Variants in KRT85 observed in about 807,000 individuals in gnomAD.
KRT85 encodes keratin 85.
A neutral mutation model predicts 53.7 loss-of-function variants in KRT85; 39 were observed. The observed-to-expected ratio is 0.73, with a 90% CI of 0.56 to 0.95. KRT85 has a LOEUF of 0.95. KRT85 is among the 40% of genes least tolerant of loss of function. KRT85 has a pLI of 0.00. For synonymous variants in KRT85, 291 were observed against 277.5 expected, an observed-to-expected ratio of 1.05 and a Z score of -0.48; for missense variants, 668 against 686.0, an observed-to-expected ratio of 0.97 and a Z score of 0.29.
Position 52,363,297 on chromosome 12 carries a change from G to T in KRT85, c.900C>A (p.Asp300Glu). The stretch of plus-strand genomic sequence containing the variant: ...CGGCCCGGCTGCGGCTGGCAACATC[G>T]TCATACTGAGCCTTGATCTCAGCGA... Reference protein sequence around the residue: ...CIIAEIKAQYDDVASRSRAEA... With the variant: ...CIIAEIKAQYEDVASRSRAEA... Residue 300 changes from aspartate to glutamate, a missense_variant, in exon 5 of 9, where the codon GAC (aspartate) becomes GAA (glutamate). By Grantham distance (45) the Asp-to-Glu change is conservative. Coordinates refer to ENST00000257901, the MANE Select transcript of KRT85 (RefSeq NM_002283.4). The T allele has an allele frequency of 6.2e-7, 1 of 1,614,092 alleles. No homozygotes were observed. The highest frequency in any genetic ancestry group is 1.1e-5 in the South Asian group (1 of 91,078).
chr12:52,367,164 C>T lies in KRT85; in HGVS notation c.242G>A (p.Gly81Asp), dbSNP rs1939285813. ...TCCGCACACGCCCCCGGAGCGGTAGCCGAAGCTGCGTCCGCAGGAGCCGGC... is the reference window on the plus strand; with the variant it reads ...TCCGCACACGCCCCCGGAGCGGTAGTCGAAGCTGCGTCCGCAGGAGCCGGC... ...FRAGSCGRSF[G>D]YRSGGVCGPS... Residue 81 changes from glycine to aspartate, a missense_variant, in exon 1 of 9, where the codon GGC becomes GAC. Transcript: ENST00000257901. The T allele has an allele frequency of 5.0e-6, 8 of 1,613,584 alleles. No individual in the cohort carries two copies. In the East Asian group the frequency reaches 1.8e-4, roughly 36 times the overall value.
At chr12:52,364,904 G>A (rs1592142260) in intron 2 of KRT85, 58 bp downstream of exon 2, 1 of 1,611,476 alleles carries the variant, frequency 6.2e-7, no homozygotes, top group African/African-American at 1.3e-5. Flanking sequence ...GCTATGGGCA[G>A]AGCCTCCCAG....
chr12:52,365,135 C>T lies in KRT85; in HGVS notation c.456G>A (p.Glu152=). 1.2e-6 allele frequency: 2 copies of T among 1,614,252 alleles called. No homozygotes were observed. Among genetic ancestry groups the T allele is most frequent in the Non-Finnish European group, 1.7e-6 (2 of 1,180,046 alleles). The change falls in exon 2 of 9, where the codon GAG becomes GAA. Residue 152 remains glutamate (E), a synonymous_variant. Transcript: ENST00000257901. The part of the protein sequence containing the change: ...RFLEQQNKLL[E]TKWQFYQNQR... ...GGTTCTGGTAGAACTGCCACTTGGT[C>T]TCCAGCAGCTTGTTCTGCTGCTCCA...
rs1041253015 is a variant in KRT85, at chr12:52,360,807, G to A, written c.*46C>T. The stretch of plus-strand genomic sequence containing the variant: ...TTCACATGCCATTCAGTGCAGTGAT[G>A]CAGGCAGGCAGGTGCTTGGCAGGAA... On this transcript the variant is annotated 3_prime_UTR_variant, in exon 9 of 9. Coordinates refer to ENST00000257901, the MANE Select transcript of KRT85 (RefSeq NM_002283.4). The A allele has an allele frequency of 6.4e-7, 1 of 1,553,358 alleles. No homozygotes were observed. Among genetic ancestry groups the A allele is most frequent in the East Asian group, 2.2e-5 (1 of 44,594 alleles).
chr12:52,362,948 T>G lies in KRT85; in HGVS notation c.983A>C (p.His328Pro), dbSNP rs763386025. ...CTTGGTGCGGCGCAGGGTCTCCCCATGCCTGATCACCGTGGCCTTCATCTC... is the reference window on the plus strand; with the variant it reads ...CTTGGTGCGGCGCAGGGTCTCCCCAGGCCTGATCACCGTGGCCTTCATCTC... ...CEEMKATVIR[H>P]GETLRRTKEE... The change falls in exon 6 of 9, where the codon CAT (histidine) becomes CCT (proline). Residue 328 changes from histidine to proline, a missense_variant. Coordinates refer to ENST00000257901, the MANE Select transcript of KRT85 (RefSeq NM_002283.4). 16 of 1,614,144 alleles carry G rather than the reference T, an allele frequency of 9.9e-6. No homozygotes were observed. Among genetic ancestry groups the G allele is most frequent in the Non-Finnish European group, 3.4e-6 (4 of 1,180,028 alleles).
At chr12:52,363,573 C>A (rs1939227326) in intron 4 of KRT85, among the ~76,000 whole-genome samples, 163 bp from the exon 5 acceptor site, 1 of 152,154 alleles carries the variant, frequency 6.6e-6, no homozygotes, top group South Asian at 2.1e-4. Context: ...TTAAAAACAA[C>A]AAAGCTGAAA....
At chr12:52,366,553 G>T (rs372292984) in intron 1 of KRT85, among the ~76,000 whole-genome samples, 1 of 152,112 alleles carries the variant, frequency 6.6e-6, no homozygotes, top group African/African-American at 2.4e-5. Flanking sequence ...AGCACCTGCT[G>T]CCCAGTCTGG....
At chr12:52,361,112 C>A in intron 8 of KRT85, 66 bp from the exon 9 acceptor site, 1 of 1,400,534 alleles carries the variant, frequency 7.1e-7, no homozygotes, top group Middle Eastern at 1.9e-4. Context: ...TACAACAGGC[C>A]CCAGGGCACT....
intron 8 of KRT85, among the ~76,000 whole-genome samples, 166 bp downstream of exon 8, chr12:52,361,301 A>G (rs921150404): frequency 1.3e-5 from 2 of 152,242 alleles, no homozygotes; most frequent in Non-Finnish European, 2.9e-5. Flanking sequence ...ACTTGCGAAG[A>G]GCACTCAGCT....
Position 52,364,381 on chromosome 12 carries a change from G to C in KRT85, c.630-15C>G, listed in dbSNP as rs1939241765. 6.2e-7 allele frequency: 1 copy of C among 1,614,080 alleles called. No homozygotes were observed. The highest frequency in any genetic ancestry group is 8.5e-7 in the Non-Finnish European group (1 of 1,180,050). ...CCTCTTCATACCTGGGTGTGGGAGA[G>C]AGAAGGTCTGGAGCTGAGAAACTGG... is the stretch of plus-strand genomic sequence containing the variant. On this transcript the variant is annotated splice_polypyrimidine_tract_variant and intron_variant, in intron 2 of 8. Transcript: ENST00000257901.
At position 52,363,299 on chromosome 12, in the gene KRT85, C is replaced by T; in HGVS notation, c.898G>A (p.Asp300Asn). 6.2e-7 allele frequency: 1 copy of T among 1,614,236 alleles called. No homozygotes were observed. Among genetic ancestry groups the T allele is most frequent in the Non-Finnish European group, 8.5e-7 (1 of 1,180,042 alleles). The stretch of plus-strand genomic sequence containing the variant: ...GCCCGGCTGCGGCTGGCAACATCGT[C>T]ATACTGAGCCTTGATCTCAGCGATG... ...CIIAEIKAQY[D>N]DVASRSRAEA... Residue 300 changes from aspartate (D) to asparagine (N), a missense_variant, in exon 5 of 9, where the codon GAC (aspartate) becomes AAC (asparagine). By Grantham distance (23) the Asp-to-Asn change is conservative. Coordinates refer to ENST00000257901, the MANE Select transcript of KRT85 (RefSeq NM_002283.4).
chr12:52,366,596 G>A (rs1939273609), intron 1 of KRT85, among the ~76,000 whole-genome samples: 1 of 152,050 alleles, frequency 6.6e-6, no homozygotes. Flanking sequence ...GTCCTATGTC[G>A]TCTTGGCTCA....
intron 6 of KRT85, 151 bp from the exon 7 acceptor site, chr12:52,362,622 G>A (rs758195752): frequency 4.3e-6 from 5 of 1,170,690 alleles, no homozygotes; most frequent in Non-Finnish European, 6.2e-6. Flanking sequence ...TATGAGGGAG[G>A]AGATGGGTGG....
chr12:52,362,600 T>C, intron 6 of KRT85, 129 bp from the exon 7 acceptor site: 1 of 1,272,788 alleles, frequency 7.9e-7, no homozygotes, highest in Non-Finnish European at 1.1e-6. Flanking sequence ...AGGTAGTTAA[T>C]GGGGCTGTGA....
rs1939182402 is a variant in KRT85 at position 52,360,987 on chromosome 12, C to G, written c.1390G>C (p.Gly464Arg). 6.2e-7 allele frequency: 1 copy of G among 1,613,518 alleles called. No homozygotes were observed. Among genetic ancestry groups the G allele is most frequent in the Admixed American group, 1.7e-5 (1 of 59,994 alleles). ...GAGGGGCCAGAAGTGATCTGGCGCC[C>G]TGGGGTGGTGCTGTAGGAGAGGCCC... ...CGGLSYSTTPGRQITSGPSAI... is the reference protein window; with the variant it reads ...CGGLSYSTTPRRQITSGPSAI... Residue 464 changes from glycine (G) to arginine (R), a missense_variant, in exon 9 of 9, where the codon GGG becomes CGG. By Grantham distance (125) the Gly-to-Arg change is moderately radical. Coordinates refer to ENST00000257901, the MANE Select transcript of KRT85 (RefSeq NM_002283.4).
rs761197825 is a variant in KRT85, at chr12:52,362,436, C to A, written c.1113G>T (p.Glu371Asp). The change falls in exon 7 of 9, where the codon GAG (glutamate) becomes GAT (aspartate). Residue 371 changes from glutamate (E) to aspartate (D), a missense_variant. Physicochemically the swap from Glu to Asp is conservative, Grantham distance 45. This residue lies in a region of KRT85 where 488 missense variants were observed against 498.1 expected (regional missense o/e 0.98). Transcript: ENST00000257901. ...AKLEAAVAEA[E>D]QQGEAALSDA... ...CGCTGAGGGCCGCCTCACCCTGCTG[C>A]TCTGCCTCAGCCACAGCAGCCTCCA... 1 of 1,614,202 alleles carries A rather than the reference C, an allele frequency of 6.2e-7. No homozygotes were observed. Among genetic ancestry groups the A allele is most frequent in the Admixed American group, 1.7e-5 (1 of 60,026 alleles).
In KRT85 at chr12:52,363,389, G is replaced by A; in HGVS notation, c.808C>T (p.His270Tyr). 7 of 1,614,154 alleles carry A rather than the reference G, an allele frequency of 4.3e-6. 1 individual carries two copies. In the South Asian group the frequency reaches 5.5e-5, roughly 13 times the overall value. Reference protein sequence around the residue: ...YEEEIRVLQAHISDTSVIVKM... With the variant: ...YEEEIRVLQAYISDTSVIVKM... ...ACTATGACCGAGGTGTCTGAGATGT[G>A]GGCTTGGAGAACGCGGATCTCCTGT... The change falls in exon 5 of 9, where the codon CAC becomes TAC. Residue 270 changes from histidine to tyrosine, a missense_variant. This residue lies in a region of KRT85 where 488 missense variants were observed against 498.1 expected (regional missense o/e 0.98). Transcript: ENST00000257901.
chr12:52,362,258 C>T lies in KRT85; in HGVS notation c.1291G>A (p.Glu431Lys). Reference sequence around the variant, plus strand: ...AAGTCCTCTTAGCCCCACCTGTGTTCCTCGCCCTCCAGCAGGCGCCTGTAG... The same window carrying T: ...AAGTCCTCTTAGCCCCACCTGTGTTTCTCGCCCTCCAGCAGGCGCCTGTAG... ...ATYRRLLEGE[E>K]HRLCEGVGSV... Residue 431 changes from glutamate to lysine, a missense_variant, in exon 7 of 9, where the codon GAA (glutamate) becomes AAA (lysine). Glu to Lys is a moderately conservative substitution (Grantham distance 56). Coordinates refer to ENST00000257901, the MANE Select transcript of KRT85 (RefSeq NM_002283.4). 6.2e-7 allele frequency: 1 copy of T among 1,614,078 alleles called. No individual in the cohort carries two copies. The highest frequency in any genetic ancestry group is 8.5e-7 in the Non-Finnish European group (1 of 1,179,924).
Position 52,362,845 on chromosome 12 carries a change from A to G in KRT85, c.1077+9T>C, listed in dbSNP as rs1334118572. Reference sequence around the variant, plus strand: ...TGTGCTGCGTATTTGAATCCTCCACAGACCCCACCTGGCACTTGGCATTCT... The same window carrying G: ...TGTGCTGCGTATTTGAATCCTCCACGGACCCCACCTGGCACTTGGCATTCT... On this transcript the variant is annotated intron_variant, in intron 6 of 8. Transcript: ENST00000257901. 2.5e-6 allele frequency: 4 copies of G among 1,614,012 alleles called. No individual in the cohort carries two copies. The highest frequency in any genetic ancestry group is 1.1e-5 in the South Asian group (1 of 91,076).
Sources: allele counts gnomAD v4.1 joint callset (sites outside exome capture counted in the v4.1 genomes callset), GRCh38; gene constraint gnomAD v4.1.1; regional missense constraint gnomAD v4.1.1; transcripts MANE v1.5; gene names NCBI Gene and HGNC (gene_info 2026-07-23, HGNC 2026-07-21).